Variants in GAD1 observed in about 807,000 individuals in gnomAD.
GAD1 encodes 67 kDa glutamic acid decarboxylase.
Under a neutral mutation model 75.2 loss-of-function variants are expected in GAD1, and 35 were observed. The ratio of observed to expected loss-of-function variants is 0.47; its 90% CI spans 0.36 to 0.62. GAD1 has a LOEUF of 0.62. Ranked by LOEUF, GAD1 falls within the 20% of genes least tolerant of loss-of-function variation. The pLI is 0.00. For missense variants in GAD1, 490 were observed against 758.5 expected, an observed-to-expected ratio of 0.65 and a Z score of 4.16; for synonymous variants, 257 against 271.9, an observed-to-expected ratio of 0.95 and a Z score of 0.54.
chr2:170,831,269 A>G, intron 5 of GAD1, 77 bp downstream of exon 5: 1 of 1,512,736 alleles, frequency 6.6e-7, no homozygotes, highest in South Asian at 1.1e-5. Context: ...GAGGATATCA[A>G]ACTTGTGTTG....
intron 11 of GAD1, chr2:170,849,037 C>T (rs2105803712): frequency 3.6e-6 from 2 of 560,292 alleles, no homozygotes; most frequent in Middle Eastern, 4.8e-4. Context: ...GAACAGGCAC[C>T]TCAGGCTCAG....
chr2:170,856,966 T>C, intron 14 of GAD1, 52 bp from the exon 15 acceptor site: 1 of 1,408,670 alleles, frequency 7.1e-7, no homozygotes, highest in Non-Finnish European at 1.0e-6. Context: ...CCTTCCCAAA[T>C]GCTCATCACA....
chr2:170,844,263 C>T, intron 7 of GAD1, 106 bp downstream of exon 7: 1 of 723,408 alleles, frequency 1.4e-6, no homozygotes, highest in East Asian at 2.7e-5. Context: ...TTTTGGATAC[C>T]CTGACTTCCT....
At chr2:170,835,825 T>C (rs980726707) in intron 5 of GAD1, among the ~76,000 whole-genome samples, 2 of 152,054 alleles carry the variant, frequency 1.3e-5, no homozygotes, top group South Asian at 2.1e-4. Flanking sequence ...ATGAGCAAAG[T>C]AGAGTAACAT....
intron 3 of GAD1, among the ~76,000 whole-genome samples, chr2:170,823,200 G>GC (rs1405811741): frequency 6.6e-6 from 1 of 152,208 alleles, no homozygotes; most frequent in African/African-American, 2.4e-5. Context: ...GCTCCTGCGC[G>GC]CGGGAGATAG....
intron 2 of GAD1, 54 bp from the exon 3 acceptor site, chr2:170,822,033 T>TC: frequency 2.1e-6 from 3 of 1,443,364 alleles, no homozygotes; most frequent in South Asian, 2.4e-5. Context: ...TCCACCCATT[T>TC]CCCCGCGGTC....
chr2:170,822,148 C>T lies in GAD1; in HGVS notation c.144C>T (p.Cys48=). 1.2e-6 allele frequency: 2 copies of T among 1,612,188 alleles called. No individual in the cohort carries two copies. The highest frequency in any genetic ancestry group is 1.7e-6 in the Non-Finnish European group (2 of 1,179,296). ...GCTRKLGLKI[C]GFLQRTNSLE... is the part of the protein sequence containing the mutation. ...CCAGAAAACTGGGGCTCAAGATCTG[C>T]GGTAAGTGACAGGACCCACTGGGGC... Residue 48 remains cysteine (C), a splice_region_variant and synonymous_variant, in exon 3 of 17, where the codon TGC becomes TGT. Transcript: ENST00000358196.
intron 3 of GAD1, among the ~76,000 whole-genome samples, chr2:170,823,810 T>C (rs1701956125): frequency 1.3e-5 from 2 of 151,154 alleles, no homozygotes; most frequent in Non-Finnish European, 3.0e-5. Flanking sequence ...GAGGACAGGG[T>C]AGGGGCAGGC....
chr2:170,832,250 C>T (rs551297238), intron 5 of GAD1, among the ~76,000 whole-genome samples: 5 of 152,250 alleles, frequency 3.3e-5, no homozygotes, highest in Admixed American at 3.3e-4. Flanking sequence ...AATCAAGGTG[C>T]TGGCTATGCT....
intron 14 of GAD1, among the ~76,000 whole-genome samples, chr2:170,854,776 C>T (rs1485611540): frequency 6.6e-6 from 1 of 152,162 alleles, no homozygotes; most frequent in Non-Finnish European, 1.5e-5. Flanking sequence ...TCAATAATGC[C>T]TTTCCCATTG....
At position 170,852,879 on chromosome 2, in the gene GAD1, T is replaced by C. The variant is rs41315874; in HGVS notation, c.1263+87T>C. 4.7e-3 allele frequency: 5,495 copies of C among 1,173,496 alleles called. 19 individuals carry two copies. Among genetic ancestry groups the C allele is most frequent in the Non-Finnish European group, 6.1e-3 (4,827 of 784,958 alleles). The allele number at this position is 1,173,496 out of a possible 1,614,324, so 72.7% of individuals were successfully genotyped here. On this transcript the variant is annotated intron_variant, in intron 13 of 16. Transcript: ENST00000358196. The stretch of plus-strand genomic sequence containing the variant: ...ACACGTGGGGTCTCTTTGCAGTACT[T>C]GTTGGCTGACTCACGAGATTGGCAG...
chr2:170,820,727 C>T (rs893704100), intron 2 of GAD1, among the ~76,000 whole-genome samples: 5 of 152,206 alleles, frequency 3.3e-5, no homozygotes, highest in Non-Finnish European at 5.9e-5. Context: ...CATTGCAACC[C>T]CCAATTTTGA....
intron 5 of GAD1, among the ~76,000 whole-genome samples, chr2:170,831,730 TATAA>T (rs1385110935): frequency 7.0e-5 from 10 of 143,198 alleles, no homozygotes; most frequent in Non-Finnish European, 1.2e-4. Flanking sequence ...AATAATAAAT[TATAA>T]ATAATAAATA....
At chr2:170,830,685 G>A (rs571451702) in intron 4 of GAD1, among the ~76,000 whole-genome samples, 18 of 152,344 alleles carry the variant, frequency 1.2e-4, no homozygotes, top group African/African-American at 2.6e-4. Context: ...AACCGCAGTC[G>A]CAGGTTGTTC....
In GAD1 at chr2:170,858,813, A is replaced by C; in HGVS notation, c.1531A>C (p.Thr511Pro). The change falls in exon 16 of 17, where the codon ACA becomes CCA. Residue 511 changes from threonine (T) to proline (P), a missense_variant. By Grantham distance (38) the Thr-to-Pro change is conservative. Around this residue, in one of 3 missense-constraint regions of GAD1, gnomAD observed 324 missense variants for 523.9 expected, o/e 0.62. Coordinates refer to ENST00000358196, the MANE Select transcript of GAD1 (RefSeq NM_000817.3). ...EMVFNGEPEH[T>P]NVCFWYIPQS... The stretch of plus-strand genomic sequence containing the variant: ...TTTAAAATCTCTGCAGCCTGAGCAC[A>C]CAAACGTCTGTTTTTGGTATATTCC... 1 of 1,614,172 alleles carries C rather than the reference A, an allele frequency of 6.2e-7. No individual in the cohort carries two copies. Among genetic ancestry groups the C allele is most frequent in the Non-Finnish European group, 8.5e-7 (1 of 1,179,988 alleles).
intron 6 of GAD1, among the ~76,000 whole-genome samples, chr2:170,841,814 T>C (rs146796305): frequency 1.3e-5 from 2 of 152,276 alleles, no homozygotes; most frequent in Admixed American, 6.5e-5. Flanking sequence ...ATTGGTCCTT[T>C]AGACTCAGGC....
chr2:170,844,434 G>A (rs1469530659), intron 7 of GAD1, among the ~76,000 whole-genome samples: 4 of 144,708 alleles, frequency 2.8e-5, no homozygotes, highest in Non-Finnish European at 3.0e-5. Context: ...TTTGAGACAG[G>A]GTCTCACTCT....
chr2:170,852,412 G>A, intron 12 of GAD1: 1 of 417,632 alleles, frequency 2.4e-6, no homozygotes, highest in South Asian at 2.3e-5. Context: ...TGGCTCCAAA[G>A]CCTGAATTCT....
At position 170,826,125 on chromosome 2, in the gene GAD1, T is replaced by C. The variant is rs559204186; in HGVS notation, c.146-3350T>C. ...AAGACATGTGACAATATATATTATA[T>C]GTTTATATTAGCAAATTAATTGTTT... is the stretch of plus-strand genomic sequence containing the variant. On this transcript the variant is annotated intron_variant, in intron 3 of 16. Coordinates refer to ENST00000358196, the MANE Select transcript of GAD1 (RefSeq NM_000817.3). Among the ~76,000 whole-genome samples, 17 of 152,344 alleles carry C rather than the reference T, an allele frequency of 1.1e-4. No individual in the cohort carries two copies. In the South Asian group the frequency reaches 3.5e-3, roughly 32 times the overall value.
Sources: allele counts gnomAD v4.1 joint callset (sites outside exome capture counted in the v4.1 genomes callset), GRCh38; gene constraint gnomAD v4.1.1; regional missense constraint gnomAD v4.1.1; transcripts MANE v1.5; gene names NCBI Gene and HGNC (gene_info 2026-07-23, HGNC 2026-07-21).